The following DCDC1 variants were observed in gnomAD, a reference collection of about 807,000 sequenced individuals.
DCDC1 encodes doublecortin domain-containing protein 1.
Under a neutral mutation model 178.3 loss-of-function variants are expected in DCDC1, and 200 were observed. That is an observed-to-expected ratio of 1.12 (90% CI 1.00 to 1.26). The LOEUF (loss-of-function observed/expected upper bound fraction) is 1.26. Among genes scored for constraint, DCDC1 ranks in the 50% most tolerant of loss-of-function variants. The pLI, the probability that DCDC1 is intolerant of heterozygous loss-of-function variation, is 0.00. For missense variants in DCDC1, 1,983 were observed against 1,749.2 expected (o/e 1.13, Z -2.38); for synonymous variants, 690 against 604.8 (o/e 1.14, Z -2.07).
chr11:31,077,984 T>A (rs999152137), intron 17 of DCDC1, 59 bp from the exon 18 acceptor site: 16 of 752,648 alleles, frequency 2.1e-5, no homozygotes, highest in Non-Finnish European at 3.9e-5. Context: ...CACTTGTAGG[T>A]TTTAAATAAA....
Position 31,165,760 on chromosome 11 carries a change from G to A in DCDC1, c.1222-27976C>T, listed in dbSNP as rs182042375. ...CCCTTGTTTTTCATATGTACTGTGC[G>A]CAGATTTGAATTTCTTTGATGAGGA... On this transcript the variant is annotated intron_variant, in intron 9 of 38. Transcript: ENST00000684477. Among the ~76,000 whole-genome samples the A allele has an allele frequency of 3.2e-4, 49 of 152,168 alleles. 1 individual carries two copies. The East Asian group carries it at 4.4e-3, about 14-fold the overall frequency.
At chr11:31,257,418 A>AT (rs577624580) in intron 8 of DCDC1, among the ~76,000 whole-genome samples, 7 of 152,018 alleles carry the variant, frequency 4.6e-5, no homozygotes, top group South Asian at 4.2e-4. Context: ...AAGGTGATAG[A>AT]TTTTTTTTAA....
At chr11:30,945,153 G>T (rs1436666829) in intron 21 of DCDC1, among the ~76,000 whole-genome samples, 1 of 151,210 alleles carries the variant, frequency 6.6e-6, no homozygotes, top group Non-Finnish European at 1.5e-5. Flanking sequence ...ATTTTTAGTA[G>T]AGACGGGGTT....
chr11:30,871,064 A>G (rs527476257), intron 38 of DCDC1, among the ~76,000 whole-genome samples: 1 of 152,340 alleles, frequency 6.6e-6, no homozygotes, highest in South Asian at 2.1e-4. Flanking sequence ...AGGAATGAGT[A>G]GAAGCCATCC....
intron 30 of DCDC1, among the ~76,000 whole-genome samples, chr11:30,905,515 T>A (rs1259953110): frequency 6.6e-6 from 1 of 152,176 alleles, no homozygotes; most frequent in Non-Finnish European, 1.5e-5. Context: ...AGCCTCTGAA[T>A]TTTTAACTTT....
At chr11:31,111,078 G>A (rs1049810059) in intron 11 of DCDC1, among the ~76,000 whole-genome samples, 3 of 152,072 alleles carry the variant, frequency 2.0e-5, no homozygotes, top group East Asian at 1.9e-4. Context: ...CTCCAACCAC[G>A]CGGAGGATCC....
intron 12 of DCDC1, among the ~76,000 whole-genome samples, chr11:31,109,550 G>T (rs1200664309): frequency 6.6e-6 from 1 of 151,990 alleles, no homozygotes; most frequent in Non-Finnish European, 1.5e-5. Flanking sequence ...CAACTTTTTC[G>T]ATTGGCTGTA....
chr11:31,039,357 T>C (rs1590843276), intron 20 of DCDC1, among the ~76,000 whole-genome samples: 1 of 152,296 alleles, frequency 6.6e-6, no homozygotes. Context: ...TGTAATGCTT[T>C]AAAATGTAAT....
At chr11:31,247,297 C>T (rs769043372) in intron 8 of DCDC1, among the ~76,000 whole-genome samples, 14 of 151,708 alleles carry the variant, frequency 9.2e-5, no homozygotes, top group South Asian at 2.1e-4. Flanking sequence ...TTAAACTGAA[C>T]GAAGTAGCTG....
At chr11:31,358,251 T>C (rs1373664843) in intron 1 of DCDC1, among the ~76,000 whole-genome samples, 2 of 152,026 alleles carry the variant, frequency 1.3e-5, no homozygotes, top group East Asian at 3.8e-4. Context: ...TATAGATCAA[T>C]GGAACAGAGC....
chr11:31,141,124 G>A (rs72882698), intron 9 of DCDC1, among the ~76,000 whole-genome samples: 1 of 152,116 alleles, frequency 6.6e-6, no homozygotes, highest in Non-Finnish European at 1.5e-5. Flanking sequence ...TCAGACTGAT[G>A]GGTTTTATTT....
chr11:31,096,095 G>T (rs747091835), intron 15 of DCDC1, among the ~76,000 whole-genome samples: 1 of 152,060 alleles, frequency 6.6e-6, no homozygotes, highest in African/African-American at 2.4e-5. Flanking sequence ...ACTATCATAA[G>T]GATAAAACTA....
At chr11:30,929,347 G>T (rs1202335249) in intron 22 of DCDC1, among the ~76,000 whole-genome samples, 1 of 152,102 alleles carries the variant, frequency 6.6e-6, no homozygotes, top group Non-Finnish European at 1.5e-5. Context: ...GTGCTGTACT[G>T]GTGGAAGGCC....
intron 18 of DCDC1, among the ~76,000 whole-genome samples, chr11:31,069,152 ATTAATGTAT>A (rs1258692503): frequency 6.6e-6 from 1 of 152,096 alleles, no homozygotes; most frequent in African/African-American, 2.4e-5. Flanking sequence ...CGCCTGGCCC[ATTAATGTAT>A]TTTTTCTAAT....
At chr11:31,137,637 T>A in intron 10 of DCDC1, 55 bp downstream of exon 10, 1 of 689,530 alleles carries the variant, frequency 1.5e-6, no homozygotes, top group Admixed American at 2.1e-5. Flanking sequence ...CGTAAGCCAC[T>A]GTGCCTGGCC....
intron 27 of DCDC1, among the ~76,000 whole-genome samples, chr11:30,914,632 C>CAAAAAA (rs11355322): frequency 3.0e-5 from 3 of 100,866 alleles, no homozygotes; most frequent in East Asian, 2.9e-4. Context: ...CATATGCACC[C>CAAAAAA]AAAAAAAAAA....
rs375150034 is a variant in DCDC1, at chr11:31,241,664, G to A, written c.1055-48C>T. ...AAAATTCTTTTGACCCAACCCAACC[G>A]AAATACACTGCCTGGAACACAGCCC... On this transcript the variant is annotated intron_variant, in intron 8 of 38. Transcript: ENST00000684477. 1.6e-3 allele frequency: 628 copies of A among 395,296 alleles called. 14 individuals are homozygous for A. The highest frequency in any genetic ancestry group is 1.3e-3 in the Middle Eastern group (2 of 1,562). The allele number at this position is 395,296 out of a possible 1,614,324, so 24.5% of individuals were successfully genotyped here.
intron 3 of DCDC1, among the ~76,000 whole-genome samples, chr11:31,326,291 A>G (rs902424486): frequency 1.3e-5 from 2 of 152,182 alleles, no homozygotes; most frequent in Non-Finnish European, 2.9e-5. Flanking sequence ...AGCCAGTGTT[A>G]AACCGACTAA....
chr11:30,981,196 G>C (rs977384953), intron 20 of DCDC1, among the ~76,000 whole-genome samples: 5 of 152,084 alleles, frequency 3.3e-5, no homozygotes, highest in Admixed American at 6.6e-5. Flanking sequence ...AAAGCGGAGA[G>C]GGTGGAAAGA....
Sources: gnomAD v4.1 joint callset for allele counts (sites outside exome capture counted in the v4.1 genomes callset) on GRCh38, gnomAD v4.1.1 for gene constraint, MANE v1.5 for transcripts, NCBI Gene and HGNC (gene_info 2026-07-23, HGNC 2026-07-21) for gene names.